Variants in TEX10 observed in about 807,000 individuals in gnomAD.
TEX10 encodes testis expressed 10.
Under a neutral mutation model 104.4 loss-of-function variants are expected in TEX10, and 24 were observed. The observed-to-expected ratio is 0.23, with a 90% CI of 0.17 to 0.32. TEX10 has a LOEUF of 0.32. Among genes scored for constraint, TEX10 ranks in the 10% least tolerant of loss-of-function variants. TEX10 has a pLI of 1.00. For missense variants in TEX10, 921 were observed against 1,083.9 expected, an observed-to-expected ratio of 0.85 and a Z score of 2.11; for synonymous variants, 396 against 393.4, an observed-to-expected ratio of 1.01 and a Z score of -0.08.
rs769510853 is a variant in TEX10, at chr9:100,340,318, T to G, written c.1189A>C (p.Ser397Arg). 5.3e-5 allele frequency: 83 copies of G among 1,574,558 alleles called. No homozygotes were observed. Among genetic ancestry groups the G allele is most frequent in the Non-Finnish European group, 6.7e-5 (78 of 1,166,882 alleles). The change falls in exon 5 of 15, where the codon AGT (serine) becomes CGT (arginine). Residue 397 changes from serine (S) to arginine (R), a missense_variant. This residue lies in a region of TEX10 where 753 missense variants were observed against 868.4 expected (regional missense o/e 0.87). Transcript: ENST00000374902. ...TCTTTTAAGACATATGGAAAACGAC[T>G]CATAAAATGGTGTTTAAAATCAATA... ...YLIDFKHHFM[S>R]RFPYVLKEIT...
intron 1 of TEX10, among the ~76,000 whole-genome samples, chr9:100,351,400 C>CGGGGGGG (rs1564224758): frequency 6.4e-4 from 50 of 77,806 alleles, no homozygotes; most frequent in Non-Finnish European, 9.3e-4. Flanking sequence ...AGCTGGGGGT[C>CGGGGGGG]GGTGGGTGGG....
chr9:100,334,226 C>T (rs1834946741), intron 5 of TEX10, among the ~76,000 whole-genome samples: 1 of 150,844 alleles, frequency 6.6e-6, no homozygotes, highest in African/African-American at 2.4e-5. Context: ...TGTGAAATTG[C>T]AGAAAATGAA....
At position 100,346,921 on chromosome 9, in the gene TEX10, T is replaced by A; in HGVS notation, c.666A>T (p.Gln222His). ...GTCTCACTAAGACTTTCAGCCTCCA[T>A]TGCTGAGAAGTGAGTCTCCGATTAG... The part of the protein sequence containing the change: ...VNPNRRLTSQ[Q>H]WRLKVLVRLS... Residue 222 changes from glutamine to histidine, a missense_variant, in exon 3 of 15, where the codon CAA (glutamine) becomes CAT (histidine). By Grantham distance (24) the Gln-to-His change is conservative. Around this residue, in one of 3 missense-constraint regions of TEX10, gnomAD observed 753 missense variants for 868.4 expected, o/e 0.87. Transcript: ENST00000374902. The A allele has an allele frequency of 6.2e-7, 1 of 1,614,214 alleles. No individual in the cohort carries two copies. Among genetic ancestry groups the A allele is most frequent in the Non-Finnish European group, 8.5e-7 (1 of 1,180,024 alleles).
At chr9:100,316,009 T>C (rs751904925) in intron 11 of TEX10, among the ~76,000 whole-genome samples, 8 of 152,218 alleles carry the variant, frequency 5.3e-5, no homozygotes, top group Non-Finnish European at 1.2e-4. Context: ...ACTTTAAATC[T>C]TTCTTCCCCT....
intron 11 of TEX10, among the ~76,000 whole-genome samples, chr9:100,316,894 T>TAAAAAAA (rs35651841): frequency 7.5e-5 from 4 of 53,430 alleles, no homozygotes; most frequent in East Asian, 6.7e-4. Context: ...TTATAATAGC[T>TAAAAAAA]AAAAAAAAAA....
chr9:100,328,933 T>G (rs776383395), intron 7 of TEX10, among the ~76,000 whole-genome samples: 2 of 152,236 alleles, frequency 1.3e-5, no homozygotes, highest in Non-Finnish European at 2.9e-5. Context: ...TAAGCAGTCT[T>G]TTATCTGTTC....
chr9:100,302,519 T>C (rs569473095), intron 14 of TEX10, among the ~76,000 whole-genome samples: 1 of 152,320 alleles, frequency 6.6e-6, no homozygotes, highest in African/African-American at 2.4e-5. Context: ...ATGCTAATGG[T>C]TTCTTGTTAA....
chr9:100,310,786 A>G (rs1360727894), intron 11 of TEX10, among the ~76,000 whole-genome samples: 1 of 152,240 alleles, frequency 6.6e-6, no homozygotes, highest in Non-Finnish European at 1.5e-5. Flanking sequence ...TAGGAAACAC[A>G]TAACAAATTA....
intron 5 of TEX10, among the ~76,000 whole-genome samples, chr9:100,330,671 A>G (rs1588178151): frequency 6.6e-6 from 1 of 152,270 alleles, no homozygotes; most frequent in Non-Finnish European, 1.5e-5. Flanking sequence ...TCACATATTA[A>G]TATCAGTTTA....
chr9:100,314,422 C>A (rs940067370), intron 11 of TEX10, among the ~76,000 whole-genome samples: 12 of 152,102 alleles, frequency 7.9e-5, no homozygotes, highest in African/African-American at 2.9e-4. Flanking sequence ...CCATACTACT[C>A]ATTATTGGTC....
rs747819151 is a variant in TEX10, at chr9:100,321,669, G to C, written c.2068+14C>G. 2 of 1,599,264 alleles carry C rather than the reference G, an allele frequency of 1.3e-6. No homozygotes were observed. The highest frequency in any genetic ancestry group is 2.7e-5 in the African/African-American group (2 of 74,462). ...GGTTTTTTCTTTTTTAATCTGGCAA[G>C]TGAATGTGGTTACCTGTAAGTGTGG... On this transcript the variant is annotated intron_variant, in intron 10 of 14. Transcript: ENST00000374902.
chr9:100,344,208 T>G (rs1835244430), intron 4 of TEX10, among the ~76,000 whole-genome samples: 1 of 152,220 alleles, frequency 6.6e-6, no homozygotes, highest in South Asian at 2.1e-4. Context: ...TATCTCAATT[T>G]GTATTCTGAT....
intron 11 of TEX10, among the ~76,000 whole-genome samples, chr9:100,317,920 C>T (rs1444342734): frequency 6.6e-6 from 1 of 151,828 alleles, no homozygotes; most frequent in Admixed American, 6.6e-5. Context: ...AAATTAAAAC[C>T]ACAAAAAGAT....
At position 100,330,111 on chromosome 9, in the gene TEX10, G is replaced by A. The variant is rs1834818183; in HGVS notation, c.1309C>T (p.Leu437=). The change falls in exon 6 of 15, where the codon CTG becomes TTG. Residue 437 remains leucine (L), a synonymous_variant. Transcript: ENST00000374902. ...NIDHLLLNLT[L]SDIMVSLANA... ...GCCAGGGAGACCATGATATCAGACAGTGTTAAATTCAGTAAGAGATGATCT... is the reference window on the plus strand; with the variant it reads ...GCCAGGGAGACCATGATATCAGACAATGTTAAATTCAGTAAGAGATGATCT... 5.0e-6 allele frequency: 8 copies of A among 1,614,046 alleles called. No homozygotes were observed. Among genetic ancestry groups the A allele is most frequent in the Non-Finnish European group, 6.8e-6 (8 of 1,179,974 alleles).
intron 9 of TEX10, among the ~76,000 whole-genome samples, chr9:100,323,825 A>C (rs1323011734): frequency 6.6e-6 from 1 of 152,220 alleles, no homozygotes; most frequent in Non-Finnish European, 1.5e-5. Flanking sequence ...GACAAGATAA[A>C]AATCAGAAAT....
At chr9:100,352,635 C>T in intron 1 of TEX10, 137 bp downstream of exon 1, 1 of 1,458,968 alleles carries the variant, frequency 6.9e-7, no homozygotes, top group Admixed American at 2.4e-5. Flanking sequence ...GGAGGGACGC[C>T]GCGGCCCAGA....
Position 100,320,390 on chromosome 9 carries a change from T to C in TEX10, c.2077A>G (p.Lys693Glu), listed in dbSNP as rs764106077. The C allele has an allele frequency of 4.4e-6, 7 of 1,607,026 alleles. No individual in the cohort carries two copies. The Admixed American group carries it at 1.2e-4, about 27-fold the overall frequency. Reference protein sequence around the residue: ...FLFSTLTGFSKEELTWLQSLR... With the variant: ...FLFSTLTGFSEEELTWLQSLR... The stretch of plus-strand genomic sequence containing the variant: ...CTCTGAAGCCAAGTCAACTCCTCTT[T>C]CGAAAACCCTAATTCAGGTAACAAA... The change falls in exon 11 of 15, where the codon AAA (lysine) becomes GAA (glutamate). Residue 693 changes from lysine to glutamate, a missense_variant. Physicochemically the swap from Lys to Glu is moderately conservative, Grantham distance 56. Coordinates refer to ENST00000374902, the MANE Select transcript of TEX10 (RefSeq NM_017746.4).
intron 4 of TEX10, among the ~76,000 whole-genome samples, chr9:100,340,931 C>T (rs1835155913): frequency 6.6e-6 from 1 of 151,960 alleles, no homozygotes; most frequent in African/African-American, 2.4e-5. Context: ...AGATGTGGGA[C>T]TTGAGGTGCT....
At chr9:100,307,408 A>G (rs1834167829) in intron 13 of TEX10, 2 of 152,210 alleles carry the variant, frequency 1.3e-5, no homozygotes, top group South Asian at 4.1e-4. Context: ...ATATTTACTA[A>G]CTAACCCTTT....
Sources: gnomAD v4.1 joint callset for allele counts (sites outside exome capture counted in the v4.1 genomes callset) on GRCh38, gnomAD v4.1.1 for gene constraint, gnomAD v4.1.1 regional missense constraint, MANE v1.5 for transcripts, NCBI Gene and HGNC (gene_info 2026-07-23, HGNC 2026-07-21) for gene names.